The following RBFOX1 variants were observed in gnomAD, a reference collection of about 807,000 sequenced individuals.
RBFOX1 encodes RNA binding protein fox-1 homolog 1.
In RBFOX1, 8 loss-of-function variants were observed where a neutral mutation model predicts 57.7. That is an observed-to-expected ratio of 0.14 (90% CI 0.08 to 0.25). The LOEUF (loss-of-function observed/expected upper bound fraction) is 0.25, where lower values mean the gene tolerates loss of function less well. RBFOX1 is among the 10% of genes least tolerant of loss of function. The pLI, the probability that RBFOX1 is intolerant of heterozygous loss-of-function variation, is 1.00. For missense variants in RBFOX1, 611 were observed against 548.5 expected (o/e 1.11, Z -1.14); for synonymous variants, 326 against 222.4 (o/e 1.47, Z -4.15).
At chr16:7,633,797 G>T (rs750082544) in intron 11 of RBFOX1, among the ~76,000 whole-genome samples, 5 of 152,096 alleles carry the variant, frequency 3.3e-5, no homozygotes, top group Non-Finnish European at 7.4e-5. Context: ...AAGTTTATCC[G>T]CAAATCCCTA....
chr16:7,548,180 T>C (rs1243907027), intron 5 of RBFOX1, among the ~76,000 whole-genome samples: 3 of 152,194 alleles, frequency 2.0e-5, no homozygotes, highest in African/African-American at 7.2e-5. Flanking sequence ...ATATTTTATT[T>C]TTACTTTTGA....
intron 1 of RBFOX1, among the ~76,000 whole-genome samples, chr16:5,309,542 A>G (rs1295964607): frequency 6.6e-6 from 1 of 152,174 alleles, no homozygotes; most frequent in Non-Finnish European, 1.5e-5. Context: ...TAGGGGGTAC[A>G]AGTGCCATTT....
intron 4 of RBFOX1, among the ~76,000 whole-genome samples, chr16:7,160,744 C>T (rs1163100189): frequency 2.0e-5 from 3 of 151,464 alleles, no homozygotes; most frequent in Non-Finnish European, 4.4e-5. Context: ...AACATAGGTA[C>T]CTATGTCTAT....
At chr16:7,109,242 G>A (rs761619296) in intron 4 of RBFOX1, among the ~76,000 whole-genome samples, 1 of 152,016 alleles carries the variant, frequency 6.6e-6, no homozygotes, top group Non-Finnish European at 1.5e-5. Context: ...GTTAACCTTG[G>A]GACCTCATAT....
intron 3 of RBFOX1, among the ~76,000 whole-genome samples, chr16:6,778,448 A>G (rs1407715317): frequency 3.9e-5 from 6 of 152,166 alleles, no homozygotes; most frequent in Non-Finnish European, 5.9e-5. Flanking sequence ...CATTTTATCC[A>G]TAAATGTTTC....
intron 4 of RBFOX1, among the ~76,000 whole-genome samples, chr16:7,456,984 G>A (rs1207953662): frequency 6.6e-6 from 1 of 151,958 alleles, no homozygotes; most frequent in African/African-American, 2.4e-5. Flanking sequence ...TCTGCCTCCT[G>A]GATCCAAGCA....
chr16:5,655,201 G>A (rs1428214793), intron 3 of RBFOX1, among the ~76,000 whole-genome samples: 1 of 152,228 alleles, frequency 6.6e-6, no homozygotes, highest in African/African-American at 2.4e-5. Context: ...ACCATCATAT[G>A]CAGAATCTAC....
intron 2 of RBFOX1, among the ~76,000 whole-genome samples, chr16:6,513,254 G>C (rs965715386): frequency 1.3e-5 from 2 of 152,186 alleles, no homozygotes; most frequent in Non-Finnish European, 2.9e-5. Context: ...TGGGCACTTA[G>C]CACAGTGGTT....
At chr16:7,222,575 T>A (rs970370269) in intron 4 of RBFOX1, among the ~76,000 whole-genome samples, 9 of 152,344 alleles carry the variant, frequency 5.9e-5, no homozygotes, top group African/African-American at 1.9e-4. Context: ...GTCTGGGCAC[T>A]GGCTGTTGTT....
At chr16:7,294,747 G>C (rs1295946732) in intron 4 of RBFOX1, among the ~76,000 whole-genome samples, 2 of 151,856 alleles carry the variant, frequency 1.3e-5, no homozygotes, top group African/African-American at 4.8e-5. Flanking sequence ...GTGCTTACGA[G>C]GTTTAGATAT....
At chr16:7,692,878 C>A (rs183000398) in intron 14 of RBFOX1, among the ~76,000 whole-genome samples, 2 of 116,028 alleles carry the variant, frequency 1.7e-5, no homozygotes, top group Non-Finnish European at 3.8e-5. Flanking sequence ...GAAATGACAG[C>A]ACTTTTTCTT....
At chr16:6,380,621 G>A (rs79730246) in intron 2 of RBFOX1, among the ~76,000 whole-genome samples, 4,865 of 151,900 alleles carry the variant, frequency 0.032, 293 homozygotes, top group African/African-American at 0.11. Flanking sequence ...CTTAGGATAT[G>A]TCTTTTGTTT....
At chr16:6,292,032 A>G (rs1482150824) in intron 1 of RBFOX1, among the ~76,000 whole-genome samples, 2 of 152,030 alleles carry the variant, frequency 1.3e-5, no homozygotes, top group East Asian at 3.9e-4. Flanking sequence ...AAATGGCTTT[A>G]TGTCCACTGT....
intron 3 of RBFOX1, among the ~76,000 whole-genome samples, chr16:5,835,980 A>C (rs2056444583): frequency 6.6e-6 from 1 of 152,190 alleles, no homozygotes. Flanking sequence ...AGAGCTCAGG[A>C]GGCTGAGGCT....
At chr16:6,876,314 A>G (rs565828069) in intron 3 of RBFOX1, among the ~76,000 whole-genome samples, 5 of 152,334 alleles carry the variant, frequency 3.3e-5, no homozygotes, top group South Asian at 2.1e-4. Context: ...AGCATATTCA[A>G]TGGACAATGA....
chr16:5,283,013 G>A (rs1191019457), intron 1 of RBFOX1, among the ~76,000 whole-genome samples: 4 of 152,152 alleles, frequency 2.6e-5, no homozygotes, highest in Admixed American at 2.6e-4. Flanking sequence ...GACCCCTACT[G>A]TGAGCAGCCT....
chr16:7,424,088 GTC>G (rs779621112), intron 4 of RBFOX1, among the ~76,000 whole-genome samples: 3 of 152,114 alleles, frequency 2.0e-5, no homozygotes, highest in Non-Finnish European at 2.9e-5. Flanking sequence ...TTTATTCTGA[GTC>G]TCTTTTTTAA....
chr16:6,986,184 T>TTTA (rs752491485), intron 3 of RBFOX1, among the ~76,000 whole-genome samples: 107 of 144,222 alleles, frequency 7.4e-4, no homozygotes, highest in South Asian at 4.0e-3. Context: ...CAATTTCTAT[T>TTTA]TTTATTTATT....
intron 3 of RBFOX1, among the ~76,000 whole-genome samples, chr16:6,981,072 C>G (rs1392360801): frequency 8.5e-6 from 1 of 118,320 alleles, no homozygotes; most frequent in Non-Finnish European, 1.7e-5. Flanking sequence ...CTAAAAAATT[C>G]AGGAGTGGTG....
Sources: gnomAD v4.1 joint callset for allele counts (sites outside exome capture counted in the v4.1 genomes callset) on GRCh38, gnomAD v4.1.1 for gene constraint, MANE v1.5 for transcripts, NCBI Gene and HGNC (gene_info 2026-07-23, HGNC 2026-07-21) for gene names.